ASAP1: variants seen among roughly 807,000 people sequenced by gnomAD.
ASAP1 encodes ArfGAP with SH3 domain, ankyrin repeat and PH domain 1.
A neutral mutation model predicts 145.2 loss-of-function variants in ASAP1; 43 were observed. That is an observed-to-expected ratio of 0.30 (90% CI 0.23 to 0.38). ASAP1 has a LOEUF of 0.38. ASAP1 is among the 10% of genes least tolerant of loss of function. ASAP1 has a pLI of 1.00. For synonymous variants in ASAP1, 546 were observed against 515.5 expected, an observed-to-expected ratio of 1.06 and a Z score of -0.80; for missense variants, 1,018 against 1,355.3, an observed-to-expected ratio of 0.75 and a Z score of 3.91.
At position 130,064,892 on chromosome 8, in the gene ASAP1, A is replaced by AATGTGTGT. The variant is rs2097427220; in HGVS notation, c.2702-3831_2702-3824dup. ...TACCTAAGTTTATCAGTTTACTAAG[A>AATGTGTGT]ATGTGTGTGTGTGTGTGTGTGTGTG... On this transcript the variant is annotated intron_variant, in intron 27 of 29. Transcript: ENST00000518721. Among the ~76,000 whole-genome samples the AATGTGTGT allele has an allele frequency of 2.8e-5, 3 of 105,938 alleles. No individual in the cohort carries two copies. In the Admixed American group the frequency reaches 3.0e-4, roughly 11 times the overall value. The allele number at this position is 105,938 out of a possible 152,430, so 69.5% of individuals were successfully genotyped here.
intron 3 of ASAP1, among the ~76,000 whole-genome samples, chr8:130,276,724 A>ACTCT (rs1471141965): frequency 5.3e-4 from 54 of 102,610 alleles, no homozygotes; most frequent in African/African-American, 1.7e-3. Context: ...ACACACACAC[A>ACTCT]CACACTCTCT....
chr8:130,262,193 A>G (rs549865034), intron 3 of ASAP1, among the ~76,000 whole-genome samples: 76 of 151,846 alleles, frequency 5.0e-4, no homozygotes, highest in African/African-American at 1.7e-3. Context: ...TCAGGAGTTC[A>G]AGACCAGCCT....
At chr8:130,317,087 CTTT>C (rs11348187) in intron 3 of ASAP1, among the ~76,000 whole-genome samples, 21 of 142,934 alleles carry the variant, frequency 1.5e-4, no homozygotes, top group Admixed American at 2.1e-4. Context: ...TCACATCATG[CTTT>C]TTTTTTTTTT....
rs1825484776 is a variant in ASAP1, at chr8:130,343,039, G to A, written c.186+14978C>T. Among the ~76,000 whole-genome samples, 3 of 152,324 alleles carry A rather than the reference G, an allele frequency of 2.0e-5. No homozygotes were observed. The South Asian group carries it at 6.2e-4, about 32-fold the overall frequency. On this transcript the variant is annotated intron_variant, in intron 3 of 29. Coordinates refer to ENST00000518721, the MANE Select transcript of ASAP1 (RefSeq NM_018482.4). ...AGCTGGAGAAATGTCCTGTGACTTA[G>A]TCATGGGAGGTTAAAATGTTCAGGC...
intron 5 of ASAP1, among the ~76,000 whole-genome samples, chr8:130,190,693 T>C (rs1180491879): frequency 6.6e-6 from 1 of 152,114 alleles, no homozygotes; most frequent in African/African-American, 2.4e-5. Flanking sequence ...AATTCTTGTA[T>C]TTTTAGTAGA....
chr8:130,337,629 C>G lies in ASAP1; in HGVS notation c.186+20388G>C, dbSNP rs192253777. Reference sequence around the variant, plus strand: ...GGTGAAGGAAGAGGTTTCTCTCCTTCCCATGAAAATTGAAGTACTAAAGGC... The same window carrying G: ...GGTGAAGGAAGAGGTTTCTCTCCTTGCCATGAAAATTGAAGTACTAAAGGC... On this transcript the variant is annotated intron_variant, in intron 3 of 29. Coordinates refer to ENST00000518721, the MANE Select transcript of ASAP1 (RefSeq NM_018482.4). 3.1e-3 allele frequency among the ~76,000 whole-genome samples: 469 copies of G among 152,302 alleles called. 3 individuals carry two copies. The highest frequency in any genetic ancestry group is 9.6e-3 in the African/African-American group (397 of 41,568).
chr8:130,259,410 TA>T (rs1819758898), intron 3 of ASAP1, among the ~76,000 whole-genome samples: 1 of 152,202 alleles, frequency 6.6e-6, no homozygotes, highest in Admixed American at 6.5e-5. Context: ...AAATTCACTT[TA>T]AACCCTTGCC....
At chr8:130,332,002 C>T (rs1421042145) in intron 3 of ASAP1, among the ~76,000 whole-genome samples, 1 of 152,142 alleles carries the variant, frequency 6.6e-6, no homozygotes, top group Non-Finnish European at 1.5e-5. Context: ...ATGGAATACA[C>T]AAAATTACAG....
intron 18 of ASAP1, among the ~76,000 whole-genome samples, chr8:130,121,708 CGG>C (rs1341721022): frequency 1.5e-5 from 2 of 132,256 alleles, no homozygotes; most frequent in Non-Finnish European, 3.1e-5. Context: ...CACTTGAACC[CGG>C]GAGGTGGAGG....
chr8:130,378,483 G>A (rs1010884462), intron 2 of ASAP1, among the ~76,000 whole-genome samples: 2 of 152,226 alleles, frequency 1.3e-5, no homozygotes, highest in African/African-American at 4.8e-5. Context: ...AGTGCACGGA[G>A]GCTTGACACG....
At chr8:130,433,052 C>T (rs1184128921) in intron 1 of ASAP1, among the ~76,000 whole-genome samples, 2 of 152,216 alleles carry the variant, frequency 1.3e-5, no homozygotes, top group Non-Finnish European at 2.9e-5. Context: ...ACCCTGCTGC[C>T]ATTCTATTTT....
intron 2 of ASAP1, among the ~76,000 whole-genome samples, chr8:130,382,728 C>A (rs902988986): frequency 6.6e-6 from 1 of 152,072 alleles, no homozygotes; most frequent in African/African-American, 2.4e-5. Flanking sequence ...ACCTGTAATC[C>A]CAGCTACTCA....
chr8:130,228,257 T>C (rs556194842), intron 4 of ASAP1, among the ~76,000 whole-genome samples: 2 of 152,184 alleles, frequency 1.3e-5, no homozygotes, highest in East Asian at 1.9e-4. Flanking sequence ...ACAGGTGGCA[T>C]AGAACACCCC....
chr8:130,362,966 T>C (rs1826786441), intron 2 of ASAP1, among the ~76,000 whole-genome samples: 1 of 152,218 alleles, frequency 6.6e-6, no homozygotes, highest in African/African-American at 2.4e-5. Flanking sequence ...TGCAGGAGCA[T>C]GAATTATGGG....
chr8:130,117,034 T>C, intron 20 of ASAP1, 39 bp from the exon 21 acceptor site: 1 of 1,465,054 alleles, frequency 6.8e-7, no homozygotes, highest in Non-Finnish European at 9.4e-7. Flanking sequence ...AATGACTTAC[T>C]TTATAACTTA....
intron 5 of ASAP1, among the ~76,000 whole-genome samples, chr8:130,197,019 G>C (rs1815540868): frequency 6.6e-6 from 1 of 152,252 alleles, no homozygotes; most frequent in Non-Finnish European, 1.5e-5. Context: ...GAATCCCAGA[G>C]GCATGTGGCC....
chr8:130,223,107 G>A (rs980682996), intron 4 of ASAP1, among the ~76,000 whole-genome samples: 2 of 152,068 alleles, frequency 1.3e-5, no homozygotes, highest in African/African-American at 4.8e-5. Flanking sequence ...AAGCTCTTTT[G>A]GAAAAATGCA....
chr8:130,205,963 T>C (rs1027131296), intron 5 of ASAP1, among the ~76,000 whole-genome samples: 1 of 152,146 alleles, frequency 6.6e-6, no homozygotes, highest in Admixed American at 6.5e-5. Context: ...ATCCATAAAA[T>C]TGTTTCAAAT....
chr8:130,256,781 A>C (rs906369150), intron 3 of ASAP1, among the ~76,000 whole-genome samples: 19 of 112,612 alleles, frequency 1.7e-4, no homozygotes, highest in African/African-American at 4.5e-4. Context: ...ATATATATAT[A>C]TCCTTATATA....
Sources: gnomAD v4.1 joint callset for allele counts (sites outside exome capture counted in the v4.1 genomes callset) on GRCh38, gnomAD v4.1.1 for gene constraint, MANE v1.5 for transcripts, NCBI Gene and HGNC (gene_info 2026-07-23, HGNC 2026-07-21) for gene names.